Variants in ARHGAP31 observed in about 807,000 individuals in gnomAD.
ARHGAP31 encodes the protein Rho GTPase activating protein 31.
In ARHGAP31, 34 loss-of-function variants were observed where a neutral mutation model predicts 113.9. The observed-to-expected ratio is 0.30, with a 90% CI of 0.23 to 0.40. The LOEUF is 0.40. Ranked by LOEUF, ARHGAP31 falls within the 10% of genes least tolerant of loss-of-function variation. ARHGAP31 has a pLI of 1.00. For missense variants in ARHGAP31, 1,548 were observed against 1,767.1 expected (o/e 0.88, Z 2.22); for synonymous variants, 650 against 684.8 (o/e 0.95, Z 0.79).
Position 119,402,230 on chromosome 3 carries a change from C to G in ARHGAP31, c.1478C>G (p.Ser493Cys). The change falls in exon 10 of 12, where the codon TCT becomes TGT. Residue 493 changes from serine (S) to cysteine (C), a missense_variant. By Grantham distance (112) the Ser-to-Cys change is moderately radical (BLOSUM62 -1). Coordinates refer to ENST00000264245, the MANE Select transcript of ARHGAP31 (RefSeq NM_020754.4). ...ALNISEPFAV[S>C]VPLRVSAVIS... ...AACATCTCCGAGCCCTTTGCGGTATCTGTGCCGCTCCGCGTGTCCGCAGTC... is the reference window on the plus strand; with the variant it reads ...AACATCTCCGAGCCCTTTGCGGTATGTGTGCCGCTCCGCGTGTCCGCAGTC... The G allele has an allele frequency of 6.2e-7, 1 of 1,614,276 alleles. No individual in the cohort carries two copies. Among genetic ancestry groups the G allele is most frequent in the Non-Finnish European group, 8.5e-7 (1 of 1,180,044 alleles).
Position 119,409,724 on chromosome 3 carries a change from C to A in ARHGAP31, c.1874C>A (p.Thr625Asn). Reference protein sequence around the residue: ...GREAGEMESSTLQESPRARAE... With the variant: ...GREAGEMESSNLQESPRARAE... ...GAGGCTGGTGAGATGGAGTCCAGCA[C>A]CCTGCAGGAGAGCCCCAGGGCCAGA... is the stretch of plus-strand genomic sequence containing the variant. The change falls in exon 11 of 12, where the codon ACC (threonine) becomes AAC (asparagine). Residue 625 changes from threonine (T) to asparagine (N), a missense_variant. Physicochemically the swap from Thr to Asn is moderately conservative, Grantham distance 65 (BLOSUM62 0). Coordinates refer to ENST00000264245, the MANE Select transcript of ARHGAP31 (RefSeq NM_020754.4). 6.2e-7 allele frequency: 1 copy of A among 1,609,286 alleles called. No homozygotes were observed. The highest frequency in any genetic ancestry group is 8.5e-7 in the Non-Finnish European group (1 of 1,178,180).
At chr3:119,321,201 T>G in intron 1 of ARHGAP31, among the ~76,000 whole-genome samples, 1 of 150,428 alleles carries the variant, frequency 6.6e-6, no homozygotes, top group East Asian at 1.9e-4. Flanking sequence ...GTGGAAAAAT[T>G]GCTCAAGTAA....
At chr3:119,396,778 A>G (rs920547346) in intron 8 of ARHGAP31, among the ~76,000 whole-genome samples, 5 of 152,154 alleles carry the variant, frequency 3.3e-5, no homozygotes, top group Non-Finnish European at 1.5e-5. Flanking sequence ...GGTGGGGAGG[A>G]GTTGGTGAGG....
At chr3:119,411,187 T>C (rs886747145) in intron 11 of ARHGAP31, among the ~76,000 whole-genome samples, 4 of 152,062 alleles carry the variant, frequency 2.6e-5, no homozygotes, top group Admixed American at 2.0e-4. Context: ...TGGAAGGGAT[T>C]TGGGGTTTAA....
At chr3:119,403,780 A>C (rs1388086208) in intron 10 of ARHGAP31, among the ~76,000 whole-genome samples, 7 of 152,196 alleles carry the variant, frequency 4.6e-5, no homozygotes, top group Non-Finnish European at 8.8e-5. Context: ...CTGAGCAGCT[A>C]CATGTTGTGG....
At position 119,414,552 on chromosome 3, in the gene ARHGAP31, G is replaced by A. The variant is rs1162924896; in HGVS notation, c.2623G>A (p.Glu875Lys). The stretch of plus-strand genomic sequence containing the variant: ...GGAGGTTGAGATCGTCTCACAAGAA[G>A]AGGAGGATGTAACCCATTCAGTACA... ...TREVEIVSQE[E>K]EDVTHSVQEP... The change falls in exon 12 of 12, where the codon GAG (glutamate) becomes AAG (lysine). Residue 875 changes from glutamate (E) to lysine (K), a missense_variant. Glu to Lys is a moderately conservative substitution (Grantham distance 56, BLOSUM62 1). Coordinates refer to ENST00000264245, the MANE Select transcript of ARHGAP31 (RefSeq NM_020754.4). 6.2e-7 allele frequency: 1 copy of A among 1,614,222 alleles called. No individual in the cohort carries two copies. Among genetic ancestry groups the A allele is most frequent in the Middle Eastern group, 1.6e-4 (1 of 6,062 alleles).
At chr3:119,358,748 A>C (rs62266686) in intron 1 of ARHGAP31, among the ~76,000 whole-genome samples, 20,290 of 152,184 alleles carry the variant, frequency 0.13, 1,564 homozygotes, top group African/African-American at 0.22. Context: ...CACAAAGGCC[A>C]CATATTTTAA....
intron 11 of ARHGAP31, among the ~76,000 whole-genome samples, chr3:119,412,050 C>T (rs1020047870): frequency 6.6e-6 from 1 of 152,176 alleles, no homozygotes; most frequent in Non-Finnish European, 1.5e-5. Flanking sequence ...GGAGATTCGT[C>T]CCCCGGCTGC....
At chr3:119,361,683 T>A (rs2080208227) in intron 1 of ARHGAP31, among the ~76,000 whole-genome samples, 1 of 152,036 alleles carries the variant, frequency 6.6e-6, no homozygotes, top group South Asian at 2.1e-4. Context: ...TGCCCAGCGG[T>A]CCTTCAACTT....
chr3:119,416,382 C>G lies in ARHGAP31; in HGVS notation c.*118C>G. 2 of 1,411,566 alleles carry G rather than the reference C, an allele frequency of 1.4e-6. No individual in the cohort carries two copies. Among genetic ancestry groups the G allele is most frequent in the Non-Finnish European group, 2.0e-6 (2 of 1,020,884 alleles). The allele number at this position is 1,411,566 out of a possible 1,614,324, so 87.4% of individuals were successfully genotyped here. ...AGTTTGGGCCTATTGTGGCCTCTGA[C>G]TTCTCTTTCTTCAGCCTTTTGACCA... is the stretch of plus-strand genomic sequence containing the variant. On this transcript the variant is annotated 3_prime_UTR_variant, in exon 12 of 12. Transcript: ENST00000264245.
intron 1 of ARHGAP31, among the ~76,000 whole-genome samples, chr3:119,356,875 GTCACATGTACAAGAATA>G (rs2080163050): frequency 6.6e-6 from 1 of 152,144 alleles, no homozygotes; most frequent in Admixed American, 6.5e-5. Flanking sequence ...TACCTTACAT[GTCACATGTACAAGAATA>G]TCTGTGGGAT....
intron 1 of ARHGAP31, chr3:119,324,896 A>G (rs1363866358): frequency 6.6e-6 from 3 of 456,216 alleles, no homozygotes; most frequent in Non-Finnish European, 8.8e-6. Flanking sequence ...CAGTTTGCAG[A>G]TCAGCGGAAT....
chr3:119,341,545 C>T (rs1191248398), intron 1 of ARHGAP31, among the ~76,000 whole-genome samples: 1 of 152,054 alleles, frequency 6.6e-6, no homozygotes, highest in Admixed American at 6.6e-5. Flanking sequence ...AGAAAATCTC[C>T]CCAAAATTAG....
At chr3:119,382,488 C>A in intron 5 of ARHGAP31, 89 bp downstream of exon 5, 2 of 1,318,252 alleles carry the variant, frequency 1.5e-6, no homozygotes, top group African/African-American at 1.5e-5. Context: ...CAAATTGAAG[C>A]CCCTTTAAAA....
At chr3:119,395,189 G>A (rs561582305) in intron 8 of ARHGAP31, among the ~76,000 whole-genome samples, 4 of 152,282 alleles carry the variant, frequency 2.6e-5, no homozygotes, top group Middle Eastern at 3.4e-3. Context: ...CCTCAAACCC[G>A]GTGATAATCA....
intron 6 of ARHGAP31, among the ~76,000 whole-genome samples, chr3:119,385,220 G>A (rs531167831): frequency 1.3e-4 from 19 of 148,820 alleles, no homozygotes; most frequent in African/African-American, 4.8e-4. Flanking sequence ...GAACCACTGT[G>A]CCTAGCTGAC....
At chr3:119,360,660 A>G (rs912121462) in intron 1 of ARHGAP31, among the ~76,000 whole-genome samples, 1 of 152,274 alleles carries the variant, frequency 6.6e-6, no homozygotes, top group Admixed American at 6.5e-5. Context: ...TAGGAAATAA[A>G]TAAAACAAAG....
At chr3:119,394,549 GA>G in intron 8 of ARHGAP31, among the ~76,000 whole-genome samples, 1 of 152,226 alleles carries the variant, frequency 6.6e-6, no homozygotes. Flanking sequence ...GTTATAGATT[GA>G]AAGTATGATA....
chr3:119,310,074 G>A (rs1384305838), intron 1 of ARHGAP31, among the ~76,000 whole-genome samples: 3 of 151,988 alleles, frequency 2.0e-5, no homozygotes, highest in Non-Finnish European at 4.4e-5. Flanking sequence ...TTCAATCTAA[G>A]TCCTGTCTCA....
Sources: gnomAD v4.1 joint callset for allele counts (sites outside exome capture counted in the v4.1 genomes callset) on GRCh38, gnomAD v4.1.1 for gene constraint, MANE v1.5 for transcripts, NCBI Gene and HGNC (gene_info 2026-07-23, HGNC 2026-07-21) for gene names.